The following DOCK10 variants were observed in gnomAD, a reference collection of about 807,000 sequenced individuals.
The protein encoded by DOCK10 is dedicator of cytokinesis protein 10.
A neutral mutation model predicts 280.1 loss-of-function variants in DOCK10; 145 were observed. That is an observed-to-expected ratio of 0.52 (90% confidence interval 0.45 to 0.59). The LOEUF (loss-of-function observed/expected upper bound fraction) is 0.59. DOCK10 is among the 20% of genes least tolerant of loss of function. The pLI, the probability that DOCK10 is intolerant of heterozygous loss-of-function variation, is 0.00. For synonymous variants in DOCK10, 915 were observed against 942.2 expected, an observed-to-expected ratio of 0.97 and a Z score of 0.53; for missense variants, 2,368 against 2,651.7, an observed-to-expected ratio of 0.89 and a Z score of 2.35.
At chr2:224,989,677 T>G (rs1459931458) in intron 1 of DOCK10, among the ~76,000 whole-genome samples, 1 of 152,112 alleles carries the variant, frequency 6.6e-6, no homozygotes, top group Non-Finnish European at 1.5e-5. Context: ...CCCCGCCAGG[T>G]CTGAACTCAA....
At chr2:224,814,747 C>T (rs902644221) in intron 30 of DOCK10, among the ~76,000 whole-genome samples, 1 of 152,168 alleles carries the variant, frequency 6.6e-6, no homozygotes, top group African/African-American at 2.4e-5. Flanking sequence ...GTCTCAAACT[C>T]CTGACCTCAG....
intron 2 of DOCK10, among the ~76,000 whole-genome samples, chr2:224,930,295 T>C (rs935181876): frequency 3.3e-5 from 5 of 151,094 alleles, no homozygotes; most frequent in African/African-American, 1.2e-4. Context: ...AAAATGAGGA[T>C]GTGGAATTTA....
At chr2:224,815,105 G>T (rs1694041396) in intron 30 of DOCK10, among the ~76,000 whole-genome samples, 1 of 152,074 alleles carries the variant, frequency 6.6e-6, no homozygotes, top group African/African-American at 2.4e-5. Context: ...TTGATCATGG[G>T]GACAGTTTCC....
intron 1 of DOCK10, among the ~76,000 whole-genome samples, chr2:225,041,106 C>T (rs1390966229): frequency 1.3e-5 from 2 of 152,180 alleles, no homozygotes; most frequent in Non-Finnish European, 2.9e-5. Flanking sequence ...AATTTGCTTC[C>T]GTTCTGTTCA....
intron 1 of DOCK10, among the ~76,000 whole-genome samples, chr2:225,009,276 A>T (rs1689365540): frequency 6.6e-6 from 1 of 152,218 alleles, no homozygotes; most frequent in South Asian, 2.1e-4. Context: ...TATTCTACCT[A>T]CCAAGAAAAT....
chr2:224,995,546 A>G (rs1706248254), intron 1 of DOCK10, among the ~76,000 whole-genome samples: 1 of 152,222 alleles, frequency 6.6e-6, no homozygotes, highest in Non-Finnish European at 1.5e-5. Context: ...AACTTTTACT[A>G]TTCTAGCATT....
intron 1 of DOCK10, among the ~76,000 whole-genome samples, chr2:225,025,427 C>A (rs979372865): frequency 6.6e-6 from 1 of 152,020 alleles, no homozygotes; most frequent in Non-Finnish European, 1.5e-5. Flanking sequence ...CTGGATAATT[C>A]AGAAAAAATC....
chr2:224,957,141 C>T (rs79133066), intron 1 of DOCK10, among the ~76,000 whole-genome samples: 2,578 of 152,216 alleles, frequency 0.017, 74 homozygotes, highest in African/African-American at 0.059. Context: ...CCATGGATAC[C>T]AGTAGCAAAC....
chr2:224,870,206 TG>T (rs1234310029), intron 11 of DOCK10, among the ~76,000 whole-genome samples: 1 of 152,180 alleles, frequency 6.6e-6, no homozygotes, highest in African/African-American at 2.4e-5. Flanking sequence ...GCTGCCGCCA[TG>T]TGAAGAAGGA....
chr2:224,877,504 A>ATTGGAAT (rs1553603743), intron 7 of DOCK10, among the ~76,000 whole-genome samples: 17 of 151,850 alleles, frequency 1.1e-4, no homozygotes, highest in Admixed American at 2.0e-4. Context: ...TTCCTATTCC[A>ATTGGAAT]AGTTGACATT....
At chr2:224,826,646 T>TG (rs1377558584) in intron 27 of DOCK10, among the ~76,000 whole-genome samples, 1 of 152,110 alleles carries the variant, frequency 6.6e-6, no homozygotes, top group African/African-American at 2.4e-5. Context: ...CCCAGTACTT[T>TG]GGGAGGCTGA....
Position 224,786,164 on chromosome 2 carries a change from TGCACTGCACTCCA to T in DOCK10, c.5655+845_5655+857del, listed in dbSNP as rs1457063241. On this transcript the variant is annotated intron_variant, in intron 50 of 55. Coordinates refer to ENST00000258390, the MANE Select transcript of DOCK10 (RefSeq NM_014689.3). The surrounding 1 kb of genome is among the most constrained non-coding windows in gnomAD (Gnocchi z 4.7). ...TTGCAGTGAGCCGAGATCACGCCAC[TGCACTGCACTCCA>T]GCCTGGGCTACTGAGCGAGATGATG... 6.6e-6 allele frequency among the ~76,000 whole-genome samples: 1 copy of T among 152,140 alleles called. No homozygotes were observed. The highest frequency in any genetic ancestry group is 1.9e-4 in the East Asian group (1 of 5,174).
intron 13 of DOCK10, among the ~76,000 whole-genome samples, chr2:224,863,300 A>AC (rs1384831587): frequency 6.6e-6 from 1 of 152,202 alleles, no homozygotes; most frequent in Non-Finnish European, 1.5e-5. Flanking sequence ...TGGCCTGCAC[A>AC]CCATAGTTTG....
intron 4 of DOCK10, among the ~76,000 whole-genome samples, chr2:224,887,384 C>T (rs772362409): frequency 5.9e-5 from 9 of 152,168 alleles, no homozygotes; most frequent in Non-Finnish European, 1.0e-4. Flanking sequence ...AGCAATTACA[C>T]TTACTTTGTG....
At chr2:224,773,464 GC>G in intron 52 of DOCK10, 117 bp from the exon 53 acceptor site, 1 of 902,218 alleles carries the variant, frequency 1.1e-6, no homozygotes, top group Non-Finnish European at 1.7e-6. Flanking sequence ...CTTCCATTCT[GC>G]ATGCTTTTCA....
chr2:224,821,167 C>A lies in DOCK10; in HGVS notation c.3184-1638G>T, dbSNP rs568917975. ...TTCCCATAATGTGGGGTAAGGGAGG[C>A]TACCTTTTAATGTAGAACATTTTTA... On this transcript the variant is annotated intron_variant, in intron 28 of 55. Transcript: ENST00000258390. Among the ~76,000 whole-genome samples, 6 of 152,312 alleles carry A rather than the reference C, an allele frequency of 3.9e-5. No individual in the cohort carries two copies. The South Asian group carries it at 1.2e-3, about 32-fold the overall frequency.
Position 224,774,966 on chromosome 2 carries a change from C to T in DOCK10, c.5952G>A (p.Thr1984=), listed in dbSNP as rs142779281. The change falls in exon 52 of 56, where the codon ACG becomes ACA. Residue 1984 remains threonine (T), a synonymous_variant. Transcript: ENST00000258390. ...CCCCACCGTGCTTCTTGCCCGACAG[C>T]GTGAAGGGTGTCTCGAAGACAAAGC... ...INRFVFETPF[T]LSGKKHGGVA... 8.9e-4 allele frequency: 1,428 copies of T among 1,611,844 alleles called. 15 individuals are homozygous for T. The African/African-American group carries it at 0.016, about 18-fold the overall frequency.
At chr2:225,004,953 C>G (rs1379619774) in intron 1 of DOCK10, among the ~76,000 whole-genome samples, 2 of 152,152 alleles carry the variant, frequency 1.3e-5, no homozygotes, top group Non-Finnish European at 2.9e-5. Flanking sequence ...TTGACTCATG[C>G]TGGGCAATAA....
chr2:224,845,220 C>T lies in DOCK10; in HGVS notation c.2464G>A (p.Asp822Asn), dbSNP rs775210974. The change falls in exon 21 of 56, where the codon GAT becomes AAT. Residue 822 changes from aspartate (D) to asparagine (N), a missense_variant. This residue lies in a region of DOCK10 where 1,209 missense variants were observed against 1,250.9 expected (regional missense o/e 0.97). Coordinates refer to ENST00000258390, the MANE Select transcript of DOCK10 (RefSeq NM_014689.3). ...SLPPNYLSFQ[D>N]SASGKHGGSD... ...TTCAATACCTTTCCACTTGCAGAAT[C>T]TTGAAAGCTTAAATAATTAGGAGGC... is the stretch of plus-strand genomic sequence containing the variant. 3.2e-5 allele frequency: 50 copies of T among 1,577,878 alleles called. No individual in the cohort carries two copies. Among genetic ancestry groups the T allele is most frequent in the Non-Finnish European group, 4.3e-5 (50 of 1,160,114 alleles).
Sources: gnomAD v4.1 joint callset for allele counts (sites outside exome capture counted in the v4.1 genomes callset) on GRCh38, gnomAD v4.1.1 for gene constraint, gnomAD v4.1.1 regional missense constraint, Gnocchi (gnomAD v3.1) non-coding constraint, MANE v1.5 for transcripts, NCBI Gene and HGNC (gene_info 2026-07-23, HGNC 2026-07-21) for gene names.